The following CHLSN variants were observed in gnomAD, a reference collection of about 807,000 sequenced individuals.
The protein encoded by CHLSN is protein cholesin.
chr7:1,107,879 C>A, the CHLSN span, among the ~76,000 whole-genome samples: 13 of 147,574 alleles, frequency 8.8e-5, no homozygotes, highest in Admixed American at 5.3e-4. Flanking sequence ...GTGTCCCACA[C>A]TGGAGACCCG....
chr7:1,030,643 G>A, the CHLSN span, among the ~76,000 whole-genome samples: 3 of 152,330 alleles, frequency 2.0e-5, no homozygotes, highest in African/African-American at 7.2e-5. Flanking sequence ...GCTGTCCCCA[G>A]ACCCATGAAG....
At chr7:1,034,344 CCAAAATTGAGG>C in the CHLSN span, among the ~76,000 whole-genome samples, 3 of 151,636 alleles carry the variant, frequency 2.0e-5, no homozygotes, top group African/African-American at 7.3e-5. Context: ...ATAAATTCTC[CCAAAATTGAGG>C]TACATGTTTC....
the CHLSN span, among the ~76,000 whole-genome samples, chr7:1,072,404 C>G: frequency 6.6e-6 from 1 of 152,360 alleles, no homozygotes; most frequent in East Asian, 1.9e-4. Flanking sequence ...TGCACACTCA[C>G]GGGACCACGA....
the CHLSN span, among the ~76,000 whole-genome samples, chr7:1,000,813 C>G: frequency 1.3e-5 from 2 of 152,236 alleles, no homozygotes; most frequent in South Asian, 4.1e-4. Context: ...ACCACTGACC[C>G]CAAGTCCCCG....
At chr7:1,038,432 G>A in the CHLSN span, among the ~76,000 whole-genome samples, 5 of 85,532 alleles carry the variant, frequency 5.8e-5, 2 homozygotes, top group Non-Finnish European at 1.2e-4. Flanking sequence ...GAGGGAGATG[G>A]GGGGGTCAGC....
chr7:1,106,988 C>T, the CHLSN span, among the ~76,000 whole-genome samples: 3 of 152,314 alleles, frequency 2.0e-5, no homozygotes, highest in Non-Finnish European at 4.4e-5. Flanking sequence ...TGCACCAGGC[C>T]ACGGGGAAGC....
chr7:1,026,774 T>C, the CHLSN span: 32,586 of 152,232 alleles, frequency 0.21, 4,392 homozygotes, highest in African/African-American at 0.39. Flanking sequence ...GCTCCCGTAG[T>C]GCTCGAGAGG....
At chr7:1,038,285 T>C in the CHLSN span, among the ~76,000 whole-genome samples, 5 of 75,368 alleles carry the variant, frequency 6.6e-5, no homozygotes, top group Admixed American at 1.3e-4. Flanking sequence ...TGGCCAGCCA[T>C]GCCGTCCGGG....
the CHLSN span, among the ~76,000 whole-genome samples, chr7:1,129,237 G>A: frequency 6.0e-5 from 1 of 16,784 alleles, no homozygotes; most frequent in African/African-American, 8.8e-4. Flanking sequence ...GCGCCATCTC[G>A]GCTCATCTCA....
the CHLSN span, among the ~76,000 whole-genome samples, chr7:995,116 G>A: frequency 2.0e-5 from 3 of 152,266 alleles, no homozygotes; most frequent in South Asian, 2.1e-4. Context: ...CTCACAGCCC[G>A]TTCTCTGGCA....
the CHLSN span, among the ~76,000 whole-genome samples, chr7:1,134,143 C>T: frequency 2.0e-5 from 3 of 151,914 alleles, no homozygotes; most frequent in Admixed American, 6.6e-5. Flanking sequence ...CATGGTGGTG[C>T]GTGCCTGTAG....
chr7:990,430 C>T, the CHLSN span, among the ~76,000 whole-genome samples: 5 of 151,996 alleles, frequency 3.3e-5, no homozygotes, highest in Non-Finnish European at 7.4e-5. Flanking sequence ...CCCTGGCCCC[C>T]GTCCCAGCGC....
the CHLSN span, chr7:987,306 G>A: frequency 2.6e-6 from 4 of 1,530,344 alleles, no homozygotes; most frequent in Non-Finnish European, 3.5e-6. Context: ...CCAGGGACGA[G>A]GGATGGCGCT....
chr7:1,092,662 G>A, the CHLSN span: 14 of 1,612,870 alleles, frequency 8.7e-6, no homozygotes, highest in South Asian at 3.3e-5. Flanking sequence ...TGTCAACCTC[G>A]CCGCCTTCTC....
At chr7:988,351 C>T in the CHLSN span, 1 of 1,612,648 alleles carries the variant, frequency 6.2e-7, no homozygotes, top group Non-Finnish European at 8.5e-7. Context: ...GCCAGTTCAA[C>T]CCCGGCCATT....
At chr7:1,119,434 C>T in the CHLSN span, among the ~76,000 whole-genome samples, 14 of 152,246 alleles carry the variant, frequency 9.2e-5, no homozygotes, top group Admixed American at 2.6e-4. Flanking sequence ...TCATCAAAAT[C>T]GAAATCTTAA....
chr7:1,048,609 C>G, the CHLSN span, among the ~76,000 whole-genome samples: 1 of 152,200 alleles, frequency 6.6e-6, no homozygotes, highest in Non-Finnish European at 1.5e-5. Context: ...CCAAGTTCAC[C>G]TCACTGCTCA....
the CHLSN span, among the ~76,000 whole-genome samples, chr7:1,043,089 T>G: frequency 9.5e-6 from 1 of 104,752 alleles, no homozygotes; most frequent in Non-Finnish European, 2.0e-5. Context: ...CCATCTCTAC[T>G]ACAAAAAAAA....
At chr7:1,064,914 C>T in the CHLSN span, among the ~76,000 whole-genome samples, 1 of 152,244 alleles carries the variant, frequency 6.6e-6, no homozygotes, top group Non-Finnish European at 1.5e-5. Context: ...AAGCGAGCAG[C>T]ATCCGATTCT....
Sources: gnomAD v4.1 joint callset for allele counts (sites outside exome capture counted in the v4.1 genomes callset) on GRCh38, gnomAD v4.1.1 for gene constraint, MANE v1.5 for transcripts, NCBI Gene and HGNC (gene_info 2026-07-23, HGNC 2026-07-21) for gene names.